THSD7A: variants seen among roughly 807,000 people sequenced by gnomAD.
The protein encoded by THSD7A is thrombospondin type 1 domain containing 7A, also known as thrombospondin type-1 domain-containing protein 7A.
THSD7A carries 96 observed loss-of-function variants against 231.3 expected under a neutral mutation model. That is an observed-to-expected ratio of 0.41 (90% CI 0.35 to 0.49). THSD7A has a LOEUF of 0.49. Among genes scored for constraint, THSD7A ranks in the 20% least tolerant of loss-of-function variants. The pLI is 0.05. For missense variants in THSD7A, 2,290 were observed against 2,070.2 expected, an observed-to-expected ratio of 1.11 and a Z score of -2.06; for synonymous variants, 940 against 743.3, an observed-to-expected ratio of 1.26 and a Z score of -4.30.
chr7:11,649,276 C>T (rs1227995187), intron 1 of THSD7A, among the ~76,000 whole-genome samples: 1 of 151,966 alleles, frequency 6.6e-6, no homozygotes, highest in African/African-American at 2.4e-5. Context: ...CCAGTTAATT[C>T]TTAAGAGGAC....
Position 11,417,550 on chromosome 7 carries a change from C to T in THSD7A, c.3437G>A (p.Cys1146Tyr). ...GCCCAGGGGCATCTCTTCTGGGTCA[C>T]AGAGGTAATCCTCTACATGTTCAGA... is the stretch of plus-strand genomic sequence containing the variant. ...GPSEHVEDYL[C>Y]DPEEMPLGSR... Residue 1146 changes from cysteine (C) to tyrosine (Y), a missense_variant, in exon 17 of 28, where the codon TGT (cysteine) becomes TAT (tyrosine). Transcript: ENST00000423059. 1.2e-6 allele frequency: 2 copies of T among 1,613,780 alleles called. No homozygotes were observed.
At chr7:11,486,226 C>T (rs62438203) in intron 6 of THSD7A, among the ~76,000 whole-genome samples, 9,938 of 151,464 alleles carry the variant, frequency 0.066, 342 homozygotes, top group South Asian at 0.12. Context: ...AATTTCATCC[C>T]TCTTCCTCAC....
chr7:11,558,244 T>G (rs1169871416), intron 4 of THSD7A, among the ~76,000 whole-genome samples: 3 of 152,180 alleles, frequency 2.0e-5, no homozygotes, highest in African/African-American at 7.2e-5. Flanking sequence ...TGGTTTGTTT[T>G]CTATACAACT....
intron 23 of THSD7A, among the ~76,000 whole-genome samples, chr7:11,382,910 GTA>G (rs576363787): frequency 1.8e-4 from 27 of 147,004 alleles, no homozygotes; most frequent in African/African-American, 5.4e-4. Flanking sequence ...GAGAATAACT[GTA>G]TATATATATA....
chr7:11,526,505 T>C (rs936581262), intron 6 of THSD7A, among the ~76,000 whole-genome samples: 9 of 152,172 alleles, frequency 5.9e-5, no homozygotes, highest in African/African-American at 2.2e-4. Context: ...AACTAAATAG[T>C]GCATACTTAA....
At chr7:11,384,440 C>A (rs1250673205) in intron 23 of THSD7A, 1 of 151,728 alleles carries the variant, frequency 6.6e-6, no homozygotes, top group Non-Finnish European at 1.5e-5. Flanking sequence ...AAATCCTTCT[C>A]TACCTTGAGT....
At chr7:11,396,227 A>G (rs1783181094) in intron 23 of THSD7A, among the ~76,000 whole-genome samples, 1 of 152,202 alleles carries the variant, frequency 6.6e-6, no homozygotes, top group Admixed American at 6.5e-5. Context: ...TAACATCACA[A>G]TTAAAAGAAC....
rs575972494 is a variant in THSD7A at position 11,398,011 on chromosome 7, T to C, written c.4411+3784A>G. 3.3e-5 allele frequency among the ~76,000 whole-genome samples: 5 copies of C among 151,468 alleles called. No homozygotes were observed. In the South Asian group the frequency reaches 8.3e-4, roughly 25 times the overall value. On this transcript the variant is annotated intron_variant, in intron 23 of 27. Coordinates refer to ENST00000423059, the MANE Select transcript of THSD7A (RefSeq NM_015204.3). ...GCATGGTGATTCCAATGGTGATTCA[T>C]TGGACCCAGCAATCCCATTACTGGG...
intron 1 of THSD7A, among the ~76,000 whole-genome samples, chr7:11,801,197 G>A (rs2355095): frequency 0.31 from 47,655 of 151,848 alleles, 11,298 homozygotes; most frequent in African/African-American, 0.67. Context: ...TTGCATATTA[G>A]TTATAACACA....
chr7:11,647,975 C>G (rs1303690150), intron 1 of THSD7A, among the ~76,000 whole-genome samples: 1 of 152,086 alleles, frequency 6.6e-6, no homozygotes, highest in African/African-American at 2.4e-5. Flanking sequence ...AATTCTGCCT[C>G]TAATGCAGAT....
chr7:11,729,918 T>A (rs932228697), intron 1 of THSD7A, among the ~76,000 whole-genome samples: 1 of 151,580 alleles, frequency 6.6e-6, no homozygotes, highest in Non-Finnish European at 1.5e-5. Context: ...TGCTTAAAGT[T>A]CAGAAAAAAA....
intron 2 of THSD7A, among the ~76,000 whole-genome samples, chr7:11,623,953 T>C (rs73676049): frequency 0.015 from 2,219 of 152,236 alleles, 51 homozygotes; most frequent in African/African-American, 0.05. Context: ...TGAAATAACA[T>C]AGAAACAAAA....
intron 2 of THSD7A, among the ~76,000 whole-genome samples, chr7:11,622,834 G>C (rs1014371884): frequency 1.1e-4 from 17 of 152,112 alleles, no homozygotes; most frequent in Non-Finnish European, 2.4e-4. Context: ...AGTAAGCATA[G>C]AGGAACAAAG....
chr7:11,538,895 A>G (rs1217222792), intron 6 of THSD7A, among the ~76,000 whole-genome samples: 1 of 152,192 alleles, frequency 6.6e-6, no homozygotes, highest in African/African-American at 2.4e-5. Flanking sequence ...GTCTGGACAA[A>G]GAATATTTCA....
chr7:11,447,124 T>C (rs1392845484), intron 12 of THSD7A, 106 bp downstream of exon 12: 34 of 1,023,040 alleles, frequency 3.3e-5, no homozygotes, highest in Non-Finnish European at 4.8e-5. Context: ...TCTAAATCCA[T>C]TGGCATATTA....
At chr7:11,523,737 A>AC (rs1788361644) in intron 6 of THSD7A, among the ~76,000 whole-genome samples, 1 of 152,098 alleles carries the variant, frequency 6.6e-6, no homozygotes. Context: ...AAACCAGAAT[A>AC]TACTGGTCTG....
At chr7:11,375,948 A>T in intron 27 of THSD7A, 70 bp from the exon 28 acceptor site, 1 of 1,438,172 alleles carries the variant, frequency 7.0e-7, no homozygotes, top group Non-Finnish European at 9.7e-7. Flanking sequence ...CTTTAAGCGA[A>T]AAAAAAGTAA....
At chr7:11,523,600 G>T (rs1788355009) in intron 6 of THSD7A, among the ~76,000 whole-genome samples, 1 of 152,026 alleles carries the variant, frequency 6.6e-6, no homozygotes, top group African/African-American at 2.4e-5. Flanking sequence ...ATTTTTGAAA[G>T]TTAATAATAG....
Position 11,541,468 on chromosome 7 carries a change from C to G in THSD7A, c.1773G>C (p.Glu591Asp). 1 of 1,613,880 alleles carries G rather than the reference C, an allele frequency of 6.2e-7. No homozygotes were observed. Among genetic ancestry groups the G allele is most frequent in the East Asian group, 2.2e-5 (1 of 44,888 alleles). The stretch of plus-strand genomic sequence containing the variant: ...CTTGAACTTGCGTGCCTGGACCACA[C>G]TCCTTTCCGTTATCTGGCTCGCAGT... Reference protein sequence around the residue: ...LGNCEPDNGKECGPGTQVQEV... With the variant: ...LGNCEPDNGKDCGPGTQVQEV... The change falls in exon 6 of 28, where the codon GAG (glutamate) becomes GAC (aspartate). Residue 591 changes from glutamate (E) to aspartate (D), a missense_variant. Glu to Asp is a conservative substitution (Grantham distance 45, BLOSUM62 2). Coordinates refer to ENST00000423059, the MANE Select transcript of THSD7A (RefSeq NM_015204.3).
Sources: allele counts gnomAD v4.1 joint callset (sites outside exome capture counted in the v4.1 genomes callset), GRCh38; gene constraint gnomAD v4.1.1; transcripts MANE v1.5; gene names NCBI Gene and HGNC (gene_info 2026-07-23, HGNC 2026-07-21).